Variants in EMCN observed in about 807,000 individuals in gnomAD.
EMCN encodes the protein MUC-14.
EMCN carries 37 observed loss-of-function variants against 38.4 expected under a neutral mutation model. The observed-to-expected ratio is 0.96, with a 90% confidence interval of 0.74 to 1.27. The LOEUF is 1.27. EMCN is among the 50% of genes most tolerant of loss of function. The probability of loss-of-function intolerance (pLI) is 0.00; values close to 1 mark genes in which losing one functional copy is unlikely to be tolerated. For missense variants in EMCN, 318 were observed against 302.8 expected (o/e 1.05, Z -0.37); for synonymous variants, 95 against 100.8 (o/e 0.94, Z 0.35).
At chr4:100,421,732 A>G (rs1726894539) in intron 7 of EMCN, among the ~76,000 whole-genome samples, 2 of 152,102 alleles carry the variant, frequency 1.3e-5, no homozygotes, top group African/African-American at 2.4e-5. Flanking sequence ...TTAGTACTTT[A>G]TAATGAAGTT....
Position 100,421,382 on chromosome 4 carries a change from A to G in EMCN, c.569-5T>C, listed in dbSNP as rs752417875. 5 of 1,609,072 alleles carry G rather than the reference A, an allele frequency of 3.1e-6. No individual in the cohort carries two copies. In the Admixed American group the frequency reaches 8.4e-5, roughly 27 times the overall value. On this transcript the variant is annotated splice_region_variant and splice_polypyrimidine_tract_variant and intron_variant, in intron 7 of 11. Transcript: ENST00000296420. ...TAACCACCGGCAAAATAATACCTAA[A>G]AAGAATTGGAGACATTGTCAATTAG...
At position 100,490,416 on chromosome 4, in the gene EMCN, T is replaced by C. The variant is rs1449643092; in HGVS notation, c.65-10377A>G. On this transcript the variant is annotated intron_variant, in intron 1 of 11. Coordinates refer to ENST00000296420, the MANE Select transcript of EMCN (RefSeq NM_016242.4). ...AACTTGGTATAGCCCAAGTATACAGTGTTTATACAGTCTATAGCATTGTGC... is the reference window on the plus strand; with the variant it reads ...AACTTGGTATAGCCCAAGTATACAGCGTTTATACAGTCTATAGCATTGTGC... Among the ~76,000 whole-genome samples, 4 of 152,080 alleles carry C rather than the reference T, an allele frequency of 2.6e-5. No homozygotes were observed. The South Asian group carries it at 6.2e-4, about 24-fold the overall frequency.
At chr4:100,416,175 T>A (rs1373103370) in intron 9 of EMCN, among the ~76,000 whole-genome samples, 2 of 152,090 alleles carry the variant, frequency 1.3e-5, no homozygotes, top group East Asian at 3.8e-4. Flanking sequence ...AATACACATA[T>A]ACTTTTTAGC....
intron 5 of EMCN, among the ~76,000 whole-genome samples, chr4:100,433,648 G>A (rs1228908778): frequency 6.6e-6 from 1 of 151,708 alleles, no homozygotes; most frequent in Admixed American, 6.6e-5. Context: ...TGATTCTCCT[G>A]CCTCAGCCTC....
At chr4:100,438,377 G>A (rs1263611940) in intron 5 of EMCN, among the ~76,000 whole-genome samples, 1 of 151,966 alleles carries the variant, frequency 6.6e-6, no homozygotes, top group Non-Finnish European at 1.5e-5. Flanking sequence ...TACCATAAAT[G>A]AAATTGTTTT....
chr4:100,423,204 T>C (rs1726942509), intron 6 of EMCN, 108 bp downstream of exon 6: 1 of 1,314,352 alleles, frequency 7.6e-7, no homozygotes, highest in African/African-American at 1.5e-5. Context: ...TGCAAAAGAT[T>C]CAGTCTCATT....
intron 2 of EMCN, among the ~76,000 whole-genome samples, chr4:100,478,636 G>A (rs1052051272): frequency 9.2e-5 from 14 of 152,060 alleles, no homozygotes; most frequent in Non-Finnish European, 1.5e-5. Flanking sequence ...TTGGGGAGAT[G>A]GACATATGGA....
chr4:100,478,360 C>A (rs554459726), intron 2 of EMCN, among the ~76,000 whole-genome samples: 1 of 152,024 alleles, frequency 6.6e-6, no homozygotes, highest in East Asian at 1.9e-4. Flanking sequence ...AGATTTTAAC[C>A]CTTAAAATTC....
chr4:100,422,279 T>G (rs1009962437), intron 7 of EMCN, among the ~76,000 whole-genome samples: 1 of 152,094 alleles, frequency 6.6e-6, no homozygotes, highest in Non-Finnish European at 1.5e-5. Flanking sequence ...ATAATAGACC[T>G]TAGGTGAAAT....
At chr4:100,515,699 A>G (rs1729737461) in intron 1 of EMCN, among the ~76,000 whole-genome samples, 1 of 152,124 alleles carries the variant, frequency 6.6e-6, no homozygotes, top group Non-Finnish European at 1.5e-5. Flanking sequence ...TTGCTGATGA[A>G]ATATGTTAAT....
intron 11 of EMCN, among the ~76,000 whole-genome samples, 196 bp from the exon 12 acceptor site, chr4:100,398,569 G>A (rs989975595): frequency 2.6e-5 from 4 of 151,988 alleles, no homozygotes; most frequent in Non-Finnish European, 2.9e-5. Flanking sequence ...AGAAAAGCTC[G>A]TTTTCTTTCC....
intron 5 of EMCN, chr4:100,446,263 TAATAAA>T: frequency 1.1e-6 from 1 of 915,620 alleles, no homozygotes; most frequent in Non-Finnish European, 1.3e-6. Flanking sequence ...AAGATGGAAA[TAATAAA>T]AAATATGGTG....
chr4:100,414,495 C>T (rs1726658771), intron 10 of EMCN, among the ~76,000 whole-genome samples: 1 of 151,610 alleles, frequency 6.6e-6, no homozygotes, highest in Non-Finnish European at 1.5e-5. Flanking sequence ...CTCCTTTGCC[C>T]CCTTCAGATG....
chr4:100,517,962 G>C lies in EMCN; in HGVS notation c.-48C>G. The stretch of plus-strand genomic sequence containing the variant: ...ATCTTCTTTCTCCAGAAGCAGGCAG[G>C]GACAATTCCCTCCCAGCCTGGCAGG... On this transcript the variant is annotated 5_prime_UTR_variant, in exon 1 of 12. Coordinates refer to ENST00000296420, the MANE Select transcript of EMCN (RefSeq NM_016242.4). 1 of 1,591,806 alleles carries C rather than the reference G, an allele frequency of 6.3e-7. No individual in the cohort carries two copies. The highest frequency in any genetic ancestry group is 8.6e-7 in the Non-Finnish European group (1 of 1,160,240).
intron 9 of EMCN, 73 bp from the exon 10 acceptor site, chr4:100,416,032 C>T: frequency 3.0e-6 from 3 of 986,984 alleles, no homozygotes; most frequent in South Asian, 3.0e-5. Context: ...TATTGTGACA[C>T]AAACAGAATG....
At position 100,444,269 on chromosome 4, in the gene EMCN, A is replaced by G. The variant is rs114466971; in HGVS notation, c.415+3264T>C. 6.8e-3 allele frequency among the ~76,000 whole-genome samples: 1,036 copies of G among 152,296 alleles called. 13 individuals carry two copies. The highest frequency in any genetic ancestry group is 0.023 in the African/African-American group (972 of 41,574). On this transcript the variant is annotated intron_variant, in intron 5 of 11. Coordinates refer to ENST00000296420, the MANE Select transcript of EMCN (RefSeq NM_016242.4). ...CCACATCTGTCTGGCCCCAGAAATCATGTCCATATGGGTCAGTGGAGCCTC... is the reference window on the plus strand; with the variant it reads ...CCACATCTGTCTGGCCCCAGAAATCGTGTCCATATGGGTCAGTGGAGCCTC...
chr4:100,434,445 T>A (rs1395923353), intron 5 of EMCN, among the ~76,000 whole-genome samples: 1 of 146,122 alleles, frequency 6.8e-6, no homozygotes, highest in Admixed American at 6.8e-5. Context: ...CTACCAGAGG[T>A]ACAAAGAAGA....
At chr4:100,443,441 G>A (rs1378931658) in intron 5 of EMCN, among the ~76,000 whole-genome samples, 1 of 152,236 alleles carries the variant, frequency 6.6e-6, no homozygotes, top group Non-Finnish European at 1.5e-5. Flanking sequence ...TGTGATCAAT[G>A]TCAGCAATGA....
chr4:100,418,381 A>G (rs1172134944), intron 8 of EMCN, among the ~76,000 whole-genome samples: 1 of 152,148 alleles, frequency 6.6e-6, no homozygotes, highest in Non-Finnish European at 1.5e-5. Context: ...CCCCTCAAGT[A>G]TCCTTCGTGT....
Sources: allele counts gnomAD v4.1 joint callset (sites outside exome capture counted in the v4.1 genomes callset), GRCh38; gene constraint gnomAD v4.1.1; transcripts MANE v1.5; gene names NCBI Gene and HGNC (gene_info 2026-07-23, HGNC 2026-07-21).